Variants in BCAR3 observed in about 807,000 individuals in gnomAD.
BCAR3 encodes the protein BCAR3 adaptor protein, NSP family member.
Under a neutral mutation model 80.1 loss-of-function variants are expected in BCAR3, and 37 were observed. The observed-to-expected ratio is 0.46, with a 90% CI of 0.36 to 0.61. BCAR3 has a LOEUF of 0.61. BCAR3 is among the 20% of genes least tolerant of loss of function. BCAR3 has a pLI of 0.00. For synonymous variants in BCAR3, 389 were observed against 418.9 expected (o/e 0.93, Z 0.87); for missense variants, 978 against 1,068.2 (o/e 0.92, Z 1.18).
At chr1:93,679,401 T>C (rs566893414) in intron 1 of BCAR3, among the ~76,000 whole-genome samples, 2 of 151,950 alleles carry the variant, frequency 1.3e-5, no homozygotes, top group African/African-American at 2.4e-5. Flanking sequence ...CCTAGAACAA[T>C]AGATGCAAAG....
chr1:93,585,144 GA>G (rs10710832), intron 5 of BCAR3: 189,533 of 985,376 alleles, frequency 0.19, 18,826 homozygotes, highest in Non-Finnish European at 0.2. Flanking sequence ...CCAGGGGCCA[GA>G]ACGGCAGGGT....
chr1:93,678,036 G>T lies in BCAR3; in HGVS notation c.-11-3095C>A, dbSNP rs372106761. On this transcript the variant is annotated intron_variant, in intron 1 of 11. Transcript: ENST00000260502. ...GCCTATAAGGACCAAAGCAAGGAATGAGTTCTACTATAAAAACGTAAACCA... is the reference window on the plus strand; with the variant it reads ...GCCTATAAGGACCAAAGCAAGGAATTAGTTCTACTATAAAAACGTAAACCA... Among the ~76,000 whole-genome samples the T allele has an allele frequency of 2.6e-5, 4 of 152,160 alleles. No individual in the cohort carries two copies. The South Asian group carries it at 6.2e-4, about 24-fold the overall frequency.
intron 7 of BCAR3, among the ~76,000 whole-genome samples, chr1:93,576,761 C>A (rs890204529): frequency 2.6e-5 from 4 of 152,222 alleles, no homozygotes; most frequent in African/African-American, 4.8e-5. Context: ...AGCTCTCAAC[C>A]CATCTCAATT....
rs137928407 is a variant in BCAR3 at position 93,637,054 on chromosome 1, C to T, written c.357+5250G>A. Among the ~76,000 whole-genome samples, 1,028 of 152,200 alleles carry T rather than the reference C, an allele frequency of 6.8e-3. 14 individuals are homozygous for T. Among genetic ancestry groups the T allele is most frequent in the African/African-American group, 0.024 (987 of 41,518 alleles). ...AAAGCTTCAGTGAGCTATGATCCTG[C>T]TACTGCACTCCAGCCTGGGCAACAG... On this transcript the variant is annotated intron_variant, in intron 3 of 11. Transcript: ENST00000260502.
chr1:93,660,130 A>G (rs2101929697), intron 2 of BCAR3, among the ~76,000 whole-genome samples: 1 of 151,938 alleles, frequency 6.6e-6, no homozygotes, highest in Non-Finnish European at 1.5e-5. Context: ...ACTACACTCT[A>G]TGAGTTCACT....
intron 1 of BCAR3, among the ~76,000 whole-genome samples, chr1:93,679,629 T>G (rs1479322051): frequency 6.6e-6 from 1 of 152,218 alleles, no homozygotes; most frequent in Non-Finnish European, 1.5e-5. Context: ...CATCTTGATA[T>G]GAAAATCTGA....
intron 2 of BCAR3, among the ~76,000 whole-genome samples, chr1:93,729,670 T>G (rs549323656): frequency 1.3e-5 from 2 of 152,170 alleles, no homozygotes; most frequent in Admixed American, 1.3e-4. Context: ...CAGGCCTTGA[T>G]ACCTCTGCAT....
Position 93,813,881 on chromosome 1 carries a change from C to T in BCAR3, c.-63+31686G>A, listed in dbSNP as rs560241616. 4.2e-4 allele frequency among the ~76,000 whole-genome samples: 64 copies of T among 152,280 alleles called. 1 individual carries two copies. In the East Asian group the frequency reaches 5.6e-3, roughly 13 times the overall value. ...ATTTATTGCATTTAATTGCATTTAG[C>T]TGTATGGCCCTCCTTTAACCTGGAA... On this transcript the variant is annotated intron_variant, in intron 2 of 13. Coordinates refer to the BCAR3 transcript ENST00000370244.
chr1:93,682,886 A>G (rs528846385), upstream of BCAR3, among the ~76,000 whole-genome samples: 3 of 152,346 alleles, frequency 2.0e-5, no homozygotes, highest in African/African-American at 4.8e-5. Flanking sequence ...AAGTAAACCA[A>G]TAACACGATC....
At chr1:93,752,634 G>T (rs1447912017) in intron 2 of BCAR3, among the ~76,000 whole-genome samples, 1 of 152,222 alleles carries the variant, frequency 6.6e-6, no homozygotes, top group East Asian at 1.9e-4. Context: ...TTTGCATTTG[G>T]ACGCACTTTC....
At position 93,576,101 on chromosome 1, in the gene BCAR3, T is replaced by G; in HGVS notation, c.1715A>C (p.Glu572Ala). ...GCTCACCCCCATGTTCCTCCTCATC[T>G]CTTCAGAGACTCCAAGTATCCTAGC... is the stretch of plus-strand genomic sequence containing the variant. ...RVARILGVSEEMRRNMGVSSG... is the reference protein window; with the variant it reads ...RVARILGVSEAMRRNMGVSSG... The change falls in exon 8 of 12, where the codon GAG becomes GCG. Residue 572 changes from glutamate to alanine, a missense_variant. By Grantham distance (107) the Glu-to-Ala change is moderately radical (BLOSUM62 -1). Coordinates refer to ENST00000260502, the MANE Select transcript of BCAR3 (RefSeq NM_003567.4). 1 of 1,614,170 alleles carries G rather than the reference T, an allele frequency of 6.2e-7. No individual in the cohort carries two copies. Among genetic ancestry groups the G allele is most frequent in the Non-Finnish European group, 8.5e-7 (1 of 1,180,026 alleles).
intron 2 of BCAR3, among the ~76,000 whole-genome samples, chr1:93,737,443 T>C (rs1294558351): frequency 6.6e-6 from 1 of 152,116 alleles, no homozygotes; most frequent in Admixed American, 6.5e-5. Flanking sequence ...GAAGAAGCCA[T>C]GTGACAACAG....
intron 2 of BCAR3, chr1:93,775,202 G>A (rs12062272): frequency 6.6e-6 from 1 of 152,158 alleles, no homozygotes; most frequent in East Asian, 1.9e-4. Flanking sequence ...CTTACCTAAC[G>A]ACCAGAGGCA....
rs771812047 is a variant in BCAR3, at chr1:93,674,615, T to G, written c.316A>C (p.Arg106=). 17 of 1,611,446 alleles carry G rather than the reference T, an allele frequency of 1.1e-5. No individual in the cohort carries two copies. Among genetic ancestry groups the G allele is most frequent in the Non-Finnish European group, 1.4e-5 (16 of 1,179,518 alleles). ...QDRHGETFTF[R]DPHLLDPTVE... Reference sequence around the variant, plus strand: ...CACTAGTGAAATTACAGAAGTTACCTGAAGGTGAAGGTTTCGCCGTGCCGG... The same window carrying G: ...CACTAGTGAAATTACAGAAGTTACCGGAAGGTGAAGGTTTCGCCGTGCCGG... Residue 106 remains arginine (R), a splice_region_variant and synonymous_variant, in exon 2 of 12, where the codon AGG becomes CGG. Coordinates refer to ENST00000260502, the MANE Select transcript of BCAR3 (RefSeq NM_003567.4).
At chr1:93,730,590 T>C (rs1650752274) in intron 2 of BCAR3, among the ~76,000 whole-genome samples, 1 of 152,174 alleles carries the variant, frequency 6.6e-6, no homozygotes, top group Non-Finnish European at 1.5e-5. Context: ...CTTTCCCTCA[T>C]ACCAAGGAAC....
At chr1:93,844,268 T>C (rs929479276) in intron 2 of BCAR3, among the ~76,000 whole-genome samples, 8 of 152,128 alleles carry the variant, frequency 5.3e-5, no homozygotes, top group East Asian at 1.9e-4. Context: ...GATCATGCCA[T>C]TGCACTCCAG....
intron 2 of BCAR3, among the ~76,000 whole-genome samples, chr1:93,718,870 A>ATT (rs879576578): frequency 2.3e-5 from 3 of 130,020 alleles, no homozygotes; most frequent in South Asian, 2.5e-4. Context: ...TAATTTTTGT[A>ATT]TTTTTTTTTT....
intron 2 of BCAR3, among the ~76,000 whole-genome samples, chr1:93,839,882 T>G (rs759927187): frequency 1.3e-5 from 2 of 152,188 alleles, no homozygotes; most frequent in Non-Finnish European, 2.9e-5. Context: ...AATGAGTCAC[T>G]GAGGGGATCT....
chr1:93,685,647 G>C (rs184238294), upstream of BCAR3, among the ~76,000 whole-genome samples: 1 of 152,264 alleles, frequency 6.6e-6, no homozygotes, highest in African/African-American at 2.4e-5. Context: ...TAAATTTCCA[G>C]AGGTAAAATT....
Sources: allele counts gnomAD v4.1 joint callset (sites outside exome capture counted in the v4.1 genomes callset), GRCh38; gene constraint gnomAD v4.1.1; transcripts MANE v1.5; gene names NCBI Gene and HGNC (gene_info 2026-07-23, HGNC 2026-07-21).